The following TMEM72 variants were observed in gnomAD, a reference collection of about 807,000 sequenced individuals.
TMEM72 encodes kidney-specific secretory protein of 37 kDa.
In TMEM72, 9 loss-of-function variants were observed where a neutral mutation model predicts 16.3. The observed-to-expected ratio is 0.55, with a 90% confidence interval of 0.33 to 0.96. The LOEUF is 0.96. Ranked by LOEUF, TMEM72 falls within the 40% of genes least tolerant of loss-of-function variation. The pLI is 0.03. For synonymous variants in TMEM72, 160 were observed against 146.5 expected (o/e 1.09, Z -0.66); for missense variants, 324 against 337.8 (o/e 0.96, Z 0.32).
At chr10:44,922,003 A>G (rs1840106966) in intron 1 of TMEM72, among the ~76,000 whole-genome samples, 3 of 152,182 alleles carry the variant, frequency 2.0e-5, no homozygotes, top group Non-Finnish European at 4.4e-5. Flanking sequence ...TCTTAGGGAG[A>G]ACACCTCCTT....
chr10:44,913,209 C>A (rs905105408), intron 1 of TMEM72, among the ~76,000 whole-genome samples: 11 of 152,118 alleles, frequency 7.2e-5, no homozygotes, highest in Non-Finnish European at 1.6e-4. Context: ...AATAGGTTTC[C>A]ATGTCTGTTG....
intron 1 of TMEM72, among the ~76,000 whole-genome samples, chr10:44,923,638 G>A (rs577488980): frequency 6.6e-6 from 1 of 152,294 alleles, no homozygotes; most frequent in Admixed American, 6.5e-5. Flanking sequence ...CTGTCTACAT[G>A]GCGTGTGGTG....
intron 1 of TMEM72, among the ~76,000 whole-genome samples, chr10:44,917,159 C>T (rs770120280): frequency 6.6e-6 from 1 of 152,062 alleles, no homozygotes; most frequent in Non-Finnish European, 1.5e-5. Context: ...AGCACTGCAG[C>T]GTAGTGTTTG....
chr10:44,930,867 G>A (rs557810376), intron 2 of TMEM72, among the ~76,000 whole-genome samples: 252 of 152,342 alleles, frequency 1.7e-3, no homozygotes, highest in Non-Finnish European at 3.3e-3. Context: ...GACAGAGAAA[G>A]GTCACACCTC....
chr10:44,921,635 G>A (rs1840100090), intron 1 of TMEM72, among the ~76,000 whole-genome samples: 1 of 152,226 alleles, frequency 6.6e-6, no homozygotes, highest in South Asian at 2.1e-4. Context: ...ATCTGTTCCA[G>A]TGAGTTGCTG....
At chr10:44,925,476 G>A (rs1203247488) in intron 1 of TMEM72, among the ~76,000 whole-genome samples, 3 of 152,190 alleles carry the variant, frequency 2.0e-5, no homozygotes, top group Non-Finnish European at 4.4e-5. Flanking sequence ...GCCTGGAGTC[G>A]AACACCCCTT....
Position 44,932,774 on chromosome 10 carries a change from G to A in TMEM72, c.209+705G>A, listed in dbSNP as rs147400224. On this transcript the variant is annotated intron_variant, in intron 3 of 4. Coordinates refer to ENST00000389583, the MANE Select transcript of TMEM72 (RefSeq NM_001123376.3). ...CCTTTCTGCTGAATTCCACTGCCAA[G>A]CTGTGCTTGAAACTTCAGCTGGGGA... 2.6e-4 allele frequency among the ~76,000 whole-genome samples: 39 copies of A among 152,342 alleles called. 1 individual carries two copies. Among genetic ancestry groups the A allele is most frequent in the African/African-American group, 9.1e-4 (38 of 41,582 alleles).
chr10:44,923,879 C>A (rs545896608), intron 1 of TMEM72, among the ~76,000 whole-genome samples: 15 of 152,324 alleles, frequency 9.8e-5, no homozygotes, highest in African/African-American at 3.6e-4. Context: ...CCCTGCTGTG[C>A]CACTGGACAG....
chr10:44,917,959 T>G (rs1031503735), intron 1 of TMEM72, among the ~76,000 whole-genome samples: 1 of 152,154 alleles, frequency 6.6e-6, no homozygotes, highest in South Asian at 2.1e-4. Flanking sequence ...ACTGGGCAAT[T>G]TACAAAAGAA....
At chr10:44,925,560 G>C (rs1840173181) in intron 1 of TMEM72, among the ~76,000 whole-genome samples, 1 of 148,020 alleles carries the variant, frequency 6.8e-6, no homozygotes, top group South Asian at 2.1e-4. Flanking sequence ...CTTGGTATCA[G>C]TTAGCTCACT....
chr10:44,915,099 G>A (rs559332690), intron 1 of TMEM72, among the ~76,000 whole-genome samples: 19 of 152,184 alleles, frequency 1.2e-4, no homozygotes, highest in Non-Finnish European at 2.8e-4. Flanking sequence ...ACACACAGAT[G>A]TGCATGGGCT....
chr10:44,921,827 C>T (rs933916941), intron 1 of TMEM72, among the ~76,000 whole-genome samples: 41 of 152,352 alleles, frequency 2.7e-4, no homozygotes, highest in Middle Eastern at 6.8e-3. Context: ...AGAGCTACCA[C>T]TCTCAGGGCC....
intron 1 of TMEM72, among the ~76,000 whole-genome samples, chr10:44,914,772 T>TC (rs1839989689): frequency 6.6e-6 from 1 of 152,132 alleles, no homozygotes; most frequent in African/African-American, 2.4e-5. Flanking sequence ...AGCACAGCGG[T>TC]CCAGGGCACT....
intron 1 of TMEM72, among the ~76,000 whole-genome samples, chr10:44,922,840 A>G (rs891431998): frequency 6.6e-6 from 1 of 152,212 alleles, no homozygotes; most frequent in African/African-American, 2.4e-5. Context: ...GGACCCAGAA[A>G]TGCTTACTCC....
intron 1 of TMEM72, among the ~76,000 whole-genome samples, chr10:44,913,796 C>T (rs6593449): frequency 0.73 from 110,820 of 152,158 alleles, 41,186 homozygotes; most frequent in African/African-American, 0.84. Context: ...CTAAGCCTCT[C>T]TTTTGTTGAA....
At chr10:44,932,189 GC>G in intron 3 of TMEM72, 120 bp downstream of exon 3, 1 of 1,213,988 alleles carries the variant, frequency 8.2e-7, no homozygotes. Context: ...GTGGACAGGA[GC>G]CCCCCACCGA....
At chr10:44,922,071 T>G (rs1374651395) in intron 1 of TMEM72, among the ~76,000 whole-genome samples, 1 of 152,224 alleles carries the variant, frequency 6.6e-6, no homozygotes, top group African/African-American at 2.4e-5. Context: ...TGAGCCCTGG[T>G]GTCCTTCTGG....
intron 3 of TMEM72, among the ~76,000 whole-genome samples, chr10:44,933,235 G>A (rs554820714): frequency 9.6e-4 from 147 of 152,354 alleles, no homozygotes; most frequent in Non-Finnish European, 1.6e-3. Context: ...TCACTCACCT[G>A]GCCAAGCCTC....
chr10:44,914,369 G>C (rs12243502), intron 1 of TMEM72, among the ~76,000 whole-genome samples: 9,425 of 152,228 alleles, frequency 0.062, 963 homozygotes, highest in African/African-American at 0.21. Context: ...GACCACTCCC[G>C]CATTGTTTAC....
Sources: gnomAD v4.1 joint callset for allele counts (sites outside exome capture counted in the v4.1 genomes callset) on GRCh38, gnomAD v4.1.1 for gene constraint, MANE v1.5 for transcripts, NCBI Gene and HGNC (gene_info 2026-07-23, HGNC 2026-07-21) for gene names.